CDKAL1: variants seen among roughly 807,000 people sequenced by gnomAD.
CDKAL1 encodes the protein threonylcarbamoyladenosine tRNA methylthiotransferase.
CDKAL1 carries 32 observed loss-of-function variants against 68.2 expected under a neutral mutation model. The ratio of observed to expected loss-of-function variants is 0.47; its 90% confidence interval spans 0.35 to 0.63. The LOEUF is 0.63. Ranked by LOEUF, CDKAL1 falls within the 30% of genes least tolerant of loss-of-function variation. The pLI is 0.00. For synonymous variants in CDKAL1, 234 were observed against 244.3 expected (o/e 0.96, Z 0.39); for missense variants, 606 against 696.7 (o/e 0.87, Z 1.47).
At chr6:21,146,002 G>T (rs1776148605) in intron 13 of CDKAL1, among the ~76,000 whole-genome samples, 1 of 152,182 alleles carries the variant, frequency 6.6e-6, no homozygotes, top group Admixed American at 6.5e-5. Context: ...GGTTCTAGTG[G>T]ACTAGAATGT....
intron 11 of CDKAL1, among the ~76,000 whole-genome samples, chr6:21,041,586 A>G (rs1164243448): frequency 2.0e-5 from 3 of 150,032 alleles, no homozygotes; most frequent in Non-Finnish European, 4.4e-5. Flanking sequence ...TTTTTTTTCA[A>G]TGTTACTCTG....
intron 10 of CDKAL1, among the ~76,000 whole-genome samples, chr6:20,986,914 A>C (rs976284627): frequency 1.3e-5 from 2 of 152,196 alleles, no homozygotes; most frequent in African/African-American, 4.8e-5. Context: ...ATGAACCAGA[A>C]AGACCTCAAA....
intron 4 of CDKAL1, among the ~76,000 whole-genome samples, chr6:20,609,134 AACAG>A (rs1333858832): frequency 6.6e-6 from 1 of 152,172 alleles, no homozygotes; most frequent in Non-Finnish European, 1.5e-5. Flanking sequence ...GGTTTTTCAA[AACAG>A]ACCTCTTATC....
chr6:21,026,237 T>A (rs1353202935), intron 11 of CDKAL1, among the ~76,000 whole-genome samples: 1 of 152,168 alleles, frequency 6.6e-6, no homozygotes, highest in Admixed American at 6.6e-5. Flanking sequence ...TGGTAGAGTC[T>A]GGTTGTATTT....
intron 5 of CDKAL1, among the ~76,000 whole-genome samples, chr6:20,669,686 T>G (rs1421450844): frequency 1.3e-5 from 2 of 152,208 alleles, no homozygotes; most frequent in Non-Finnish European, 2.9e-5. Flanking sequence ...CCTTTTAATA[T>G]GCTTCTGTTT....
intron 5 of CDKAL1, among the ~76,000 whole-genome samples, chr6:20,711,330 G>A (rs1484480787): frequency 6.6e-6 from 1 of 152,130 alleles, no homozygotes; most frequent in African/African-American, 2.4e-5. Context: ...ATGTTGTCTG[G>A]CATTTCGAAT....
At chr6:20,700,392 A>G (rs1278674821) in intron 5 of CDKAL1, among the ~76,000 whole-genome samples, 1 of 152,156 alleles carries the variant, frequency 6.6e-6, no homozygotes, top group African/African-American at 2.4e-5. Flanking sequence ...GTTAAACTGA[A>G]TGATAGTGAC....
intron 8 of CDKAL1, among the ~76,000 whole-genome samples, chr6:20,782,675 A>G (rs1232650849): frequency 2.0e-5 from 3 of 152,068 alleles, no homozygotes; most frequent in African/African-American, 7.2e-5. Context: ...GTCTCTCCTC[A>G]CTGGCATATA....
chr6:21,163,677 G>A (rs775416781), intron 13 of CDKAL1, among the ~76,000 whole-genome samples: 6 of 152,160 alleles, frequency 3.9e-5, no homozygotes, highest in Non-Finnish European at 5.9e-5. Flanking sequence ...CTGGCCGGGC[G>A]CGGTGGCTCA....
intron 14 of CDKAL1, among the ~76,000 whole-genome samples, chr6:21,198,557 T>C (rs1203834061): frequency 3.9e-5 from 6 of 152,172 alleles, no homozygotes; most frequent in Non-Finnish European, 5.9e-5. Flanking sequence ...TGGTTGGTTT[T>C]TTAGTTTTGT....
chr6:20,763,928 T>TA (rs1774582267), intron 7 of CDKAL1, among the ~76,000 whole-genome samples: 1 of 152,124 alleles, frequency 6.6e-6, no homozygotes, highest in African/African-American at 2.4e-5. Context: ...GAATTTAGGA[T>TA]TTTTTTCCTG....
intron 8 of CDKAL1, among the ~76,000 whole-genome samples, chr6:20,832,281 T>C (rs1777749673): frequency 6.6e-6 from 1 of 152,174 alleles, no homozygotes; most frequent in African/African-American, 2.4e-5. Context: ...CAATATCAAA[T>C]GGCAAATTCC....
At chr6:20,930,528 C>CGAAAT (rs1299215119) in intron 9 of CDKAL1, among the ~76,000 whole-genome samples, 1 of 152,092 alleles carries the variant, frequency 6.6e-6, no homozygotes, top group Non-Finnish European at 1.5e-5. Context: ...AATGTCATTT[C>CGAAAT]GTATTTCCAA....
intron 9 of CDKAL1, among the ~76,000 whole-genome samples, chr6:20,900,034 G>T (rs1261065910): frequency 6.6e-6 from 1 of 152,174 alleles, no homozygotes; most frequent in African/African-American, 2.4e-5. Context: ...AGAGATGCTA[G>T]CACCCTCTGT....
At chr6:20,992,871 C>T (rs1018288728) in intron 10 of CDKAL1, among the ~76,000 whole-genome samples, 1 of 147,908 alleles carries the variant, frequency 6.8e-6, no homozygotes, top group Non-Finnish European at 1.5e-5. Context: ...TTTTGCACTC[C>T]AGCCTGGGCA....
At chr6:20,760,615 T>C (rs1431641025) in intron 7 of CDKAL1, among the ~76,000 whole-genome samples, 1 of 152,222 alleles carries the variant, frequency 6.6e-6, no homozygotes, top group Non-Finnish European at 1.5e-5. Context: ...GCCTGTACAT[T>C]ATACTGTGAT....
At chr6:20,864,106 G>A (rs1185157186) in intron 9 of CDKAL1, among the ~76,000 whole-genome samples, 1 of 152,134 alleles carries the variant, frequency 6.6e-6, no homozygotes, top group Non-Finnish European at 1.5e-5. Context: ...TATTAGCCCA[G>A]CATTTGAATG....
chr6:20,550,868 T>C (rs896712294), intron 4 of CDKAL1, among the ~76,000 whole-genome samples: 1 of 137,572 alleles, frequency 7.3e-6, no homozygotes, highest in Non-Finnish European at 1.6e-5. Context: ...GTCTTTTTTT[T>C]TTTTTTTTTT....
At chr6:20,829,409 T>C (rs931095692) in intron 8 of CDKAL1, among the ~76,000 whole-genome samples, 1 of 152,228 alleles carries the variant, frequency 6.6e-6, no homozygotes, top group Non-Finnish European at 1.5e-5. Context: ...TAGTATTTAG[T>C]TCCTAACAGA....
Sources: allele counts gnomAD v4.1 joint callset (sites outside exome capture counted in the v4.1 genomes callset), GRCh38; gene constraint gnomAD v4.1.1; transcripts MANE v1.5; gene names NCBI Gene and HGNC (gene_info 2026-07-23, HGNC 2026-07-21).